The following CUBN variants were observed in gnomAD, a reference collection of about 807,000 sequenced individuals.
CUBN encodes cubilin.
CUBN carries 282 observed loss-of-function variants against 405.3 expected under a neutral mutation model. The ratio of observed to expected loss-of-function variants is 0.70; its 90% CI spans 0.63 to 0.77. The LOEUF (loss-of-function observed/expected upper bound fraction) is 0.77, where lower values mean the gene tolerates loss of function less well. Ranked by LOEUF, CUBN falls within the 30% of genes least tolerant of loss-of-function variation. The probability of loss-of-function intolerance (pLI) is 0.00; values close to 1 mark genes in which losing one functional copy is unlikely to be tolerated. For synonymous variants in CUBN, 1,684 were observed against 1,617.0 expected (o/e 1.04, Z -0.99); for missense variants, 4,514 against 4,475.2 (o/e 1.01, Z -0.25).
chr10:16,873,839 T>C (rs561920471), intron 58 of CUBN, among the ~76,000 whole-genome samples: 21 of 152,302 alleles, frequency 1.4e-4, no homozygotes, highest in African/African-American at 4.8e-4. Flanking sequence ...TTTGACTCTT[T>C]ATGTGTGTGT....
chr10:17,003,529 A>G (rs959570028), intron 28 of CUBN, among the ~76,000 whole-genome samples: 4 of 152,218 alleles, frequency 2.6e-5, no homozygotes, highest in African/African-American at 9.7e-5. Flanking sequence ...TTTGTTCAAT[A>G]AAATTTTTTC....
Position 17,047,337 on chromosome 10 carries a change from C to T in CUBN, c.3329+77G>A, listed in dbSNP as rs1835159842. The T allele has an allele frequency of 3.4e-6, 4 of 1,178,908 alleles. No homozygotes were observed. In the Admixed American group the frequency reaches 6.2e-5, roughly 18 times the overall value. The allele number at this position is 1,178,908 out of a possible 1,614,324, so 73.0% of individuals were successfully genotyped here. A position where few individuals can be genotyped will look rare whatever the true frequency, so the allele number is the denominator to read the frequency against. On this transcript the variant is annotated intron_variant, in intron 23 of 66. Transcript: ENST00000377833. ...TTGCAGAGAATTTCCATATTTTTTT[C>T]CTTAATCTTCCTAGGAAAGATTATT...
At chr10:16,895,767 A>G (rs1841162918) in intron 54 of CUBN, among the ~76,000 whole-genome samples, 1 of 151,938 alleles carries the variant, frequency 6.6e-6, no homozygotes, top group Non-Finnish European at 1.5e-5. Context: ...TTTACTTTTC[A>G]TGTACCTACG....
chr10:16,828,497 C>A (rs1838862596), intron 66 of CUBN, among the ~76,000 whole-genome samples: 1 of 152,176 alleles, frequency 6.6e-6, no homozygotes. Flanking sequence ...GCGGGTGGAT[C>A]ACCTGAGGTC....
chr10:16,886,466 AG>A (rs1405577989), intron 56 of CUBN, among the ~76,000 whole-genome samples: 1 of 152,244 alleles, frequency 6.6e-6, no homozygotes, highest in African/African-American at 2.4e-5. Flanking sequence ...AGAAATAGAA[AG>A]CTGATATGTA....
In CUBN at chr10:16,889,632, C is replaced by T. The variant is rs545821654; in HGVS notation, c.8755+739G>A. On this transcript the variant is annotated intron_variant, in intron 55 of 66. Transcript: ENST00000377833. ...TAAAACATGCAAGACCGGCCGGGCACGGTGGCTTATGCCAGCACTTTGGGA... is the reference window on the plus strand; with the variant it reads ...TAAAACATGCAAGACCGGCCGGGCATGGTGGCTTATGCCAGCACTTTGGGA... Among the ~76,000 whole-genome samples, 5 of 151,958 alleles carry T rather than the reference C, an allele frequency of 3.3e-5. No homozygotes were observed. The South Asian group carries it at 6.2e-4, about 19-fold the overall frequency.
At chr10:17,053,863 A>C (rs181627051) in intron 22 of CUBN, among the ~76,000 whole-genome samples, 218 of 152,272 alleles carry the variant, frequency 1.4e-3, no homozygotes, top group African/African-American at 5.0e-3. Context: ...AAAACTTAGA[A>C]AGTATATCAT....
intron 40 of CUBN, among the ~76,000 whole-genome samples, 160 bp from the exon 41 acceptor site, chr10:16,928,463 T>A (rs944578839): frequency 1.3e-5 from 2 of 151,598 alleles, no homozygotes; most frequent in African/African-American, 4.8e-5. Context: ...AGGGGTGATA[T>A]CATTCTGGCT....
At chr10:16,865,463 C>T (rs1426207418) in intron 59 of CUBN, among the ~76,000 whole-genome samples, 2 of 151,720 alleles carry the variant, frequency 1.3e-5, no homozygotes, top group African/African-American at 2.4e-5. Flanking sequence ...AGCATGTGTG[C>T]TCTGGGCAAC....
rs772813105 is a variant in CUBN, at chr10:16,990,559, C to T, written c.4169-44G>A. Reference sequence around the variant, plus strand: ...TCAGTCAGTTCAAAGTGGGCAACAGCACATGGAAAATAATTCCAAATTCAA... The same window carrying T: ...TCAGTCAGTTCAAAGTGGGCAACAGTACATGGAAAATAATTCCAAATTCAA... On this transcript the variant is annotated intron_variant, in intron 28 of 66. Coordinates refer to ENST00000377833, the MANE Select transcript of CUBN (RefSeq NM_001081.4). 4 of 1,580,816 alleles carry T rather than the reference C, an allele frequency of 2.5e-6. No homozygotes were observed. The African/African-American group carries it at 5.4e-5, about 21-fold the overall frequency.
At chr10:16,883,093 A>AAAGG (rs1021992826) in intron 56 of CUBN, among the ~76,000 whole-genome samples, 10 of 151,980 alleles carry the variant, frequency 6.6e-5, no homozygotes, top group Non-Finnish European at 1.0e-4. Context: ...AAAGAAAAAG[A>AAAGG]AAGGAAGGAA....
intron 35 of CUBN, among the ~76,000 whole-genome samples, chr10:16,947,578 A>G (rs1444819296): frequency 2.6e-5 from 4 of 152,218 alleles, no homozygotes; most frequent in East Asian, 1.9e-4. Context: ...ATTAGAAGGA[A>G]TTTCTGCAAT....
At chr10:17,075,947 T>TA (rs1235801599) in intron 17 of CUBN, among the ~76,000 whole-genome samples, 1 of 152,222 alleles carries the variant, frequency 6.6e-6, no homozygotes, top group Non-Finnish European at 1.5e-5. Context: ...CAGTTTTTGT[T>TA]AGAGATACAG....
chr10:16,867,823 T>C (rs913443922), intron 59 of CUBN, among the ~76,000 whole-genome samples: 1 of 152,184 alleles, frequency 6.6e-6, no homozygotes, highest in African/African-American at 2.4e-5. Flanking sequence ...CTTTGTGGCT[T>C]GGAAAGACAT....
intron 23 of CUBN, 148 bp from the exon 24 acceptor site, chr10:17,046,242 C>A: frequency 1.5e-6 from 1 of 678,622 alleles, no homozygotes; most frequent in Non-Finnish European, 2.5e-6. Flanking sequence ...CTCTAAAAAA[C>A]ACGATTTTCA....
chr10:17,118,428 C>G (rs890293589), intron 6 of CUBN, among the ~76,000 whole-genome samples: 1 of 152,066 alleles, frequency 6.6e-6, no homozygotes, highest in Non-Finnish European at 1.5e-5. Context: ...CATTTTTATG[C>G]ACCTTTTTGT....
At chr10:17,043,458 G>T (rs910730648) in intron 26 of CUBN, among the ~76,000 whole-genome samples, 1 of 152,100 alleles carries the variant, frequency 6.6e-6, no homozygotes, top group Non-Finnish European at 1.5e-5. Flanking sequence ...AATGTGTGAG[G>T]CAAATGAAAA....
At chr10:16,905,786 C>T (rs1043654073) in intron 50 of CUBN, among the ~76,000 whole-genome samples, 3 of 152,088 alleles carry the variant, frequency 2.0e-5, no homozygotes, top group Admixed American at 6.6e-5. Context: ...AGCCATTTGA[C>T]TCCCTTCATT....
chr10:17,127,204 G>T (rs150337829), intron 3 of CUBN, among the ~76,000 whole-genome samples: 21,056 of 141,124 alleles, frequency 0.15, 1,563 homozygotes, highest in African/African-American at 0.18. Flanking sequence ...CTTTCACTCT[G>T]TCTTTCTTTC....
Sources: allele counts gnomAD v4.1 joint callset (sites outside exome capture counted in the v4.1 genomes callset), GRCh38; gene constraint gnomAD v4.1.1; transcripts MANE v1.5; gene names NCBI Gene and HGNC (gene_info 2026-07-23, HGNC 2026-07-21).